Variants in NAAA observed in about 807,000 individuals in gnomAD.
The protein encoded by NAAA is N-acylethanolamine-hydrolyzing acid amidase.
A neutral mutation model predicts 44.8 loss-of-function variants in NAAA; 39 were observed. That is an observed-to-expected ratio of 0.87 (90% CI 0.67 to 1.14). The LOEUF is 1.14. Among genes scored for constraint, NAAA ranks in the 50% most tolerant of loss-of-function variants. NAAA has a pLI of 0.00. For synonymous variants in NAAA, 178 were observed against 191.3 expected (o/e 0.93, Z 0.58); for missense variants, 460 against 467.8 (o/e 0.98, Z 0.15).
intron 10 of NAAA, 28 bp downstream of exon 10, chr4:75,914,840 C>G (rs1725501319): frequency 1.3e-6 from 2 of 1,543,974 alleles, no homozygotes; most frequent in South Asian, 1.1e-5. Flanking sequence ...CCACCTCACC[C>G]CCTCTCCACA....
chr4:75,931,345 T>C, intron 3 of NAAA, 41 bp from the exon 4 acceptor site: 1 of 1,451,140 alleles, frequency 6.9e-7, no homozygotes. Context: ...ACCATTCCAA[T>C]CAAATACACT....
chr4:75,925,446 C>A (rs1047801145), intron 5 of NAAA, among the ~76,000 whole-genome samples: 2 of 152,202 alleles, frequency 1.3e-5, no homozygotes, highest in African/African-American at 4.8e-5. Flanking sequence ...TGTTCCCTCA[C>A]CTTTTAAAAT....
At chr4:75,919,048 T>C (rs1725898837) in intron 8 of NAAA, among the ~76,000 whole-genome samples, 1 of 67,356 alleles carries the variant, frequency 1.5e-5, no homozygotes, top group Non-Finnish European at 2.6e-5. Flanking sequence ...TGAGGTGATA[T>C]AGACTTTTTT....
chr4:75,929,828 G>A (rs1456835528), intron 4 of NAAA, among the ~76,000 whole-genome samples: 3 of 152,126 alleles, frequency 2.0e-5, no homozygotes, highest in African/African-American at 7.2e-5. Flanking sequence ...GGTGGTTCAC[G>A]CCTGTAATCC....
intron 10 of NAAA, 64 bp downstream of exon 10, chr4:75,914,802 ACC>A: frequency 8.6e-7 from 1 of 1,157,652 alleles, no homozygotes. Context: ...GGATGTTACC[ACC>A]CTCTGTAAGA....
chr4:75,913,430 G>T (rs6825463), downstream of NAAA, among the ~76,000 whole-genome samples: 233 of 152,048 alleles, frequency 1.5e-3, 2 homozygotes, highest in Middle Eastern at 6.8e-3. Flanking sequence ...CATGGACTGA[G>T]TGCTGCTTCA....
chr4:75,934,418 C>G (rs930073355), intron 3 of NAAA, among the ~76,000 whole-genome samples: 1 of 151,522 alleles, frequency 6.6e-6, no homozygotes, highest in Non-Finnish European at 1.5e-5. Flanking sequence ...CAGGTTCAAG[C>G]GATTCCCCTG....
At position 75,940,869 on chromosome 4, in the gene NAAA, G is replaced by A. The variant is rs780475980; in HGVS notation, c.81C>T (p.Ala27=). 5.1e-6 allele frequency: 8 copies of A among 1,573,524 alleles called. No homozygotes were observed. The highest frequency in any genetic ancestry group is 6.0e-6 in the Non-Finnish European group (7 of 1,169,468). The change falls in exon 1 of 11, where the codon GCC becomes GCT. Residue 27 remains alanine, a synonymous_variant. Transcript: ENST00000286733. ...AGCGCGGCGCTGCTGGGGGCGAGGC[G>A]GCTGACAGCCCGGCCCCGGCCAGCA... The part of the protein sequence containing the change: ...LLLLAGAGLS[A]ASPPAAPRFN...
At chr4:75,934,052 GTAATAATAATAATAATAATAATAA>G (rs66466020) in intron 3 of NAAA, among the ~76,000 whole-genome samples, 13 of 142,028 alleles carry the variant, frequency 9.2e-5, no homozygotes, top group African/African-American at 1.8e-4. Flanking sequence ...AATAGTAGTA[GTAATAATAATAATAATAATAATAA>G]TAATAATAAT....
downstream of NAAA, chr4:75,913,577 C>CT (rs1725419578): frequency 4.4e-6 from 3 of 682,900 alleles, no homozygotes; most frequent in Non-Finnish European, 5.4e-6. Context: ...AACATCACAA[C>CT]TAAGAGAGTT....
At chr4:75,918,844 A>G in intron 8 of NAAA, 55 bp from the exon 9 acceptor site, 1 of 1,527,274 alleles carries the variant, frequency 6.5e-7, no homozygotes. Context: ...AGAAATACAC[A>G]TAGAATATCT....
rs1263745094 is a variant in NAAA at position 75,919,937 on chromosome 4, G to A, written c.941C>T (p.Ala314Val). 1.7e-5 allele frequency: 27 copies of A among 1,613,934 alleles called. No individual in the cohort carries two copies. The highest frequency in any genetic ancestry group is 2.3e-5 in the Non-Finnish European group (27 of 1,179,966). Residue 314 changes from alanine to valine, a missense_variant, in exon 8 of 11, where the codon GCA becomes GTA. By Grantham distance (64) the Ala-to-Val change is moderately conservative. Transcript: ENST00000286733. ...GAAAAGTGCCTCCAGGCTGAGGTTT[G>A]CTTGTCCTGTAGCATTAAGGGCCTT... is the stretch of plus-strand genomic sequence containing the variant. ...AIKALNATGQANLSLEALFQI... is the reference protein window; with the variant it reads ...AIKALNATGQVNLSLEALFQI...
chr4:75,934,023 C>T (rs149784805), intron 3 of NAAA, among the ~76,000 whole-genome samples: 1,750 of 149,556 alleles, frequency 0.012, 31 homozygotes, highest in African/African-American at 0.04. Context: ...GAGCGAGACT[C>T]TGTCTCAAAA....
chr4:75,940,676 C>T (rs749088499), intron 1 of NAAA, 68 bp downstream of exon 1: 853 of 1,494,612 alleles, frequency 5.7e-4, no homozygotes, highest in Non-Finnish European at 7.1e-4. Flanking sequence ...GCACTCTGAG[C>T]AGCGCGCGTT....
chr4:75,929,664 A>G (rs1333170643), intron 4 of NAAA, among the ~76,000 whole-genome samples: 2 of 152,226 alleles, frequency 1.3e-5, no homozygotes, highest in Admixed American at 6.5e-5. Flanking sequence ...GTTGAGAACC[A>G]GTACTATACA....
At position 75,913,782 on chromosome 4, in the gene NAAA, A is replaced by G. The variant is rs138467269; in HGVS notation, c.*593T>C. ...TTCAAAAAGCAGTAAGAAAGTAGCT[A>G]TTGAGAAAGAAGGAGGGCCATAGGT... On this transcript the variant is annotated 3_prime_UTR_variant, in exon 11 of 11. Transcript: ENST00000286733. 3.0e-6 allele frequency: 3 copies of G among 983,830 alleles called. No homozygotes were observed. Among genetic ancestry groups the G allele is most frequent in the Admixed American group, 6.1e-5 (1 of 16,264 alleles). 60.9% of individuals were successfully genotyped at this position (983,830 alleles called of 1,614,324 possible).
chr4:75,926,386 C>G lies in NAAA; in HGVS notation c.590-575G>C, dbSNP rs1470365784. Among the ~76,000 whole-genome samples, 60 of 151,602 alleles carry G rather than the reference C, an allele frequency of 4.0e-4. 1 individual carries two copies. Among genetic ancestry groups the G allele is most frequent in the Non-Finnish European group, 4.4e-5 (3 of 67,936 alleles). On this transcript the variant is annotated intron_variant, in intron 4 of 10. Coordinates refer to ENST00000286733, the MANE Select transcript of NAAA (RefSeq NM_014435.4). ...CACTAGCCTCGCCAACATGGTGAAA[C>G]CCTGTCTCTATTAAAAATATAAAAA...
chr4:75,930,696 C>A (rs1005056036), intron 4 of NAAA, among the ~76,000 whole-genome samples: 3 of 152,164 alleles, frequency 2.0e-5, no homozygotes, highest in Non-Finnish European at 4.4e-5. Flanking sequence ...GGCCTACAAT[C>A]CCCCTACAGC....
intron 2 of NAAA, 78 bp from the exon 3 acceptor site, chr4:75,936,313 A>G: frequency 6.6e-7 from 1 of 1,513,544 alleles, no homozygotes; most frequent in Non-Finnish European, 8.9e-7. Flanking sequence ...TCATTTGTAA[A>G]ACAAATCCTC....
Sources: gnomAD v4.1 joint callset for allele counts (sites outside exome capture counted in the v4.1 genomes callset) on GRCh38, gnomAD v4.1.1 for gene constraint, MANE v1.5 for transcripts, NCBI Gene and HGNC (gene_info 2026-07-23, HGNC 2026-07-21) for gene names.